MXI1: variants seen among roughly 807,000 people sequenced by gnomAD.
The protein encoded by MXI1 is max-interacting protein 1.
Under a neutral mutation model 36.9 loss-of-function variants are expected in MXI1, and 18 were observed. That is an observed-to-expected ratio of 0.49 (90% confidence interval 0.34 to 0.72). The LOEUF is 0.72. Ranked by LOEUF, MXI1 falls within the 30% of genes least tolerant of loss-of-function variation. MXI1 has a pLI of 0.01. For missense variants in MXI1, 304 were observed against 379.1 expected, an observed-to-expected ratio of 0.80 and a Z score of 1.64; for synonymous variants, 160 against 146.7, an observed-to-expected ratio of 1.09 and a Z score of -0.65.
intron 3 of MXI1, among the ~76,000 whole-genome samples, chr10:110,248,957 G>A (rs1315779786): frequency 1.3e-5 from 2 of 152,120 alleles, no homozygotes; most frequent in Non-Finnish European, 2.9e-5. Context: ...GTAGACTTAG[G>A]ATAGGGGAGG....
At chr10:110,279,446 T>C in intron 4 of MXI1, 152 bp downstream of exon 4, 1 of 663,222 alleles carries the variant, frequency 1.5e-6, no homozygotes, top group Non-Finnish European at 2.6e-6. Flanking sequence ...CCAGCTAATC[T>C]GATGGGAACA....
rs1590418633 is a variant in MXI1 at position 110,284,963 on chromosome 10, T to A, written c.864T>A (p.Ser288Arg). 6.2e-7 allele frequency: 1 copy of A among 1,612,692 alleles called. No individual in the cohort carries two copies. Among genetic ancestry groups the A allele is most frequent in the Non-Finnish European group, 8.5e-7 (1 of 1,179,538 alleles). ...IGSDEGYSSASVKLSFTS is the reference protein window; with the variant it reads ...IGSDEGYSSARVKLSFTS ...GTGACGAGGGTTACTCCAGTGCCAG[T>A]GTCAAACTTTCATTCACTTCATAGA... Residue 288 changes from serine to arginine, a missense_variant, in exon 6 of 6, where the codon AGT (serine) becomes AGA (arginine). By Grantham distance (110) the Ser-to-Arg change is moderately radical (BLOSUM62 -1). This residue lies in a region of MXI1 where 125 missense variants were observed against 194.3 expected (regional missense o/e 0.64). Transcript: ENST00000332674.
intron 3 of MXI1, among the ~76,000 whole-genome samples, chr10:110,274,872 A>ATT (rs66570053): frequency 0.24 from 26,367 of 109,636 alleles, 3,334 homozygotes; most frequent in African/African-American, 0.36. Flanking sequence ...GTGAATAAGG[A>ATT]TTTTTTTTTT....
intron 2 of MXI1, among the ~76,000 whole-genome samples, chr10:110,242,997 G>C (rs528303446): frequency 1.3e-5 from 2 of 151,820 alleles, no homozygotes; most frequent in Admixed American, 6.6e-5. Context: ...CACCAGTGGG[G>C]GTGGGGAATC....
At chr10:110,237,503 G>A (rs1164071492) in intron 2 of MXI1, among the ~76,000 whole-genome samples, 2 of 152,084 alleles carry the variant, frequency 1.3e-5, no homozygotes, top group Non-Finnish European at 2.9e-5. Context: ...GGATTTTTGA[G>A]TCTTAAACCT....
intron 3 of MXI1, among the ~76,000 whole-genome samples, chr10:110,274,033 T>C (rs1040860653): frequency 6.6e-6 from 1 of 152,240 alleles, no homozygotes; most frequent in Non-Finnish European, 1.5e-5. Flanking sequence ...ATAGTTGATA[T>C]ACCTGTGCTT....
At chr10:110,262,703 A>G (rs1348321546) in intron 3 of MXI1, among the ~76,000 whole-genome samples, 1 of 152,096 alleles carries the variant, frequency 6.6e-6, no homozygotes, top group Non-Finnish European at 1.5e-5. Context: ...GGTGGGAGAG[A>G]CCTTAGAAGA....
At chr10:110,257,866 C>A in intron 3 of MXI1, 1 of 304,398 alleles carries the variant, frequency 3.3e-6, no homozygotes, top group African/African-American at 2.3e-5. Flanking sequence ...AAAAAACAAA[C>A]AAACAAACAA....
At chr10:110,274,882 T>TTC (rs976656890) in intron 3 of MXI1, among the ~76,000 whole-genome samples, 3 of 148,914 alleles carry the variant, frequency 2.0e-5, no homozygotes, top group Non-Finnish European at 3.0e-5. Context: ...ATTTTTTTTT[T>TTC]TTTTTTTTTT....
intron 2 of MXI1, among the ~76,000 whole-genome samples, chr10:110,235,690 AAAATAAATAAAT>A (rs60672702): frequency 6.7e-6 from 1 of 149,084 alleles, no homozygotes; most frequent in East Asian, 1.9e-4. Context: ...TCTGTCTCAA[AAAATAAATAAAT>A]AAATAAATAA....
intron 1 of MXI1, among the ~76,000 whole-genome samples, chr10:110,209,328 C>CGT (rs887794455): frequency 2.6e-5 from 4 of 151,710 alleles, no homozygotes; most frequent in African/African-American, 4.9e-5. Context: ...TACGTGTGCG[C>CGT]GTGTGTGTGT....
chr10:110,259,559 A>G (rs1235857847), intron 3 of MXI1, among the ~76,000 whole-genome samples: 1 of 152,128 alleles, frequency 6.6e-6, no homozygotes, highest in Non-Finnish European at 1.5e-5. Flanking sequence ...TCATTTAAAG[A>G]TAATTTCTAT....
At position 110,285,946 on chromosome 10, in the gene MXI1, TAAAA is replaced by T. The variant is rs569487570; in HGVS notation, c.*965_*968del. On this transcript the variant is annotated 3_prime_UTR_variant, in exon 6 of 6. Transcript: ENST00000332674. ...ATGACATCTTTTTAAAGCTTATCCA[TAAAA>T]AAAAATAGATGTCTTTTATAGTGGA... 1.3e-5 allele frequency: 2 copies of T among 150,836 alleles called. No individual in the cohort carries two copies. The highest frequency in any genetic ancestry group is 3.9e-4 in the East Asian group (2 of 5,156). 9.3% of individuals were successfully genotyped at this position (150,836 alleles called of 1,614,324 possible).
At chr10:110,238,392 C>T (rs1416557391) in intron 2 of MXI1, among the ~76,000 whole-genome samples, 1 of 152,142 alleles carries the variant, frequency 6.6e-6, no homozygotes, top group Non-Finnish European at 1.5e-5. Flanking sequence ...CAGAAAATTT[C>T]AAGGTTTTAG....
intron 3 of MXI1, among the ~76,000 whole-genome samples, chr10:110,251,633 G>A (rs551931439): frequency 8.5e-5 from 13 of 152,266 alleles, no homozygotes; most frequent in African/African-American, 3.1e-4. Context: ...ATGGAATTGT[G>A]AAACCTGTGT....
intron 1 of MXI1, among the ~76,000 whole-genome samples, chr10:110,215,043 G>GTTTT (rs200181611): frequency 9.9e-4 from 78 of 78,896 alleles, no homozygotes; most frequent in African/African-American, 4.3e-3. Context: ...TTTTTTTTTT[G>GTTTT]TTTTTTTTTT....
chr10:110,279,464 C>T (rs988487962), intron 4 of MXI1, among the ~76,000 whole-genome samples, 170 bp downstream of exon 4: 1 of 152,212 alleles, frequency 6.6e-6, no homozygotes, highest in Non-Finnish European at 1.5e-5. Context: ...ACAACATAAC[C>T]TGATTAAACT....
At chr10:110,227,357 G>T in intron 1 of MXI1, 1 of 986,430 alleles carries the variant, frequency 1.0e-6, no homozygotes, top group Non-Finnish European at 1.2e-6. Flanking sequence ...CTGAGATCGT[G>T]AGTGGAGGCG....
chr10:110,244,940 A>G (rs79430915), intron 3 of MXI1, 83 bp downstream of exon 3: 8 of 1,341,812 alleles, frequency 6.0e-6, no homozygotes, highest in Admixed American at 4.3e-5. Flanking sequence ...GTAATAGTGC[A>G]TATGTAGTTG....
Sources: gnomAD v4.1 joint callset for allele counts (sites outside exome capture counted in the v4.1 genomes callset) on GRCh38, gnomAD v4.1.1 for gene constraint, gnomAD v4.1.1 regional missense constraint, MANE v1.5 for transcripts, NCBI Gene and HGNC (gene_info 2026-07-23, HGNC 2026-07-21) for gene names.